The following IKZF2 variants were observed in gnomAD, a reference collection of about 807,000 sequenced individuals.
IKZF2 encodes the protein zinc finger protein Helios.
A neutral mutation model predicts 49.2 loss-of-function variants in IKZF2; 15 were observed. The observed-to-expected ratio is 0.30, with a 90% CI of 0.20 to 0.47. IKZF2 has a LOEUF of 0.47. Among genes scored for constraint, IKZF2 ranks in the 20% least tolerant of loss-of-function variants. IKZF2 has a pLI of 1.00. For missense variants in IKZF2, 567 were observed against 664.6 expected, an observed-to-expected ratio of 0.85 and a Z score of 1.61; for synonymous variants, 227 against 221.4, an observed-to-expected ratio of 1.03 and a Z score of -0.23.
intron 4 of IKZF2, among the ~76,000 whole-genome samples, chr2:213,129,137 G>A (rs1247261546): frequency 6.6e-6 from 1 of 151,856 alleles, no homozygotes; most frequent in Non-Finnish European, 1.5e-5. Flanking sequence ...GTTCATCTGT[G>A]AGTTCACATT....
intron 4 of IKZF2, among the ~76,000 whole-genome samples, chr2:213,091,229 T>C (rs1705293085): frequency 6.6e-6 from 1 of 152,196 alleles, no homozygotes; most frequent in African/African-American, 2.4e-5. Flanking sequence ...CCAATATGGG[T>C]TCACTAAAAA....
At position 213,004,161 on chromosome 2, in the gene IKZF2, T is replaced by C. The variant is rs535303809; in HGVS notation, c.*3199A>G. ...CATGAATTCTCTTTAAAAGAATGTG[T>C]GTGTAGTATACACACACATATACCC... is the stretch of plus-strand genomic sequence containing the variant. On this transcript the variant is annotated 3_prime_UTR_variant, in exon 9 of 9. Coordinates refer to ENST00000434687, the MANE Select transcript of IKZF2 (RefSeq NM_001387220.1). The C allele has an allele frequency of 3.0e-4, 46 of 152,010 alleles. No individual in the cohort carries two copies. The highest frequency in any genetic ancestry group is 1.1e-3 in the African/African-American group (44 of 41,558). 9.4% of individuals were successfully genotyped at this position (152,010 alleles called of 1,614,324 possible). A position where few individuals can be genotyped will look rare whatever the true frequency, so the allele number is the denominator to read the frequency against.
At chr2:213,076,877 G>A (rs1703332554) in intron 4 of IKZF2, among the ~76,000 whole-genome samples, 1 of 152,130 alleles carries the variant, frequency 6.6e-6, no homozygotes, top group Non-Finnish European at 1.5e-5. Context: ...ACTCCAGCCT[G>A]GGCGACAAAG....
chr2:213,093,506 G>A (rs1705593040), intron 4 of IKZF2, among the ~76,000 whole-genome samples: 1 of 152,050 alleles, frequency 6.6e-6, no homozygotes, highest in Non-Finnish European at 1.5e-5. Context: ...TATAAACTAA[G>A]GACCCGATGT....
chr2:213,022,246 C>A, intron 6 of IKZF2, 116 bp from the exon 7 acceptor site: 1 of 969,902 alleles, frequency 1.0e-6, no homozygotes, highest in Non-Finnish European at 1.4e-6. Context: ...AGACTTAAAT[C>A]TCTTCCTCCT....
At chr2:213,122,490 G>A (rs751765267) in intron 4 of IKZF2, among the ~76,000 whole-genome samples, 9 of 151,976 alleles carry the variant, frequency 5.9e-5, no homozygotes, top group South Asian at 2.1e-4. Context: ...TGATTCTTAC[G>A]ATCAAGCAAG....
chr2:213,149,780 C>CG (rs1477832140), intron 2 of IKZF2, among the ~76,000 whole-genome samples: 3 of 130,156 alleles, frequency 2.3e-5, no homozygotes, highest in Non-Finnish European at 5.4e-5. Flanking sequence ...CTCCCTTACC[C>CG]CCCCCCCAAA....
chr2:213,022,271 T>C, intron 6 of IKZF2, 141 bp from the exon 7 acceptor site: 1 of 769,388 alleles, frequency 1.3e-6, no homozygotes, highest in Non-Finnish European at 1.9e-6. Context: ...ATTCCAATTT[T>C]GGTAAGAAAA....
chr2:213,074,309 C>G (rs1703022658), intron 4 of IKZF2, among the ~76,000 whole-genome samples: 1 of 152,172 alleles, frequency 6.6e-6, no homozygotes, highest in African/African-American at 2.4e-5. Flanking sequence ...ATAGGATAGC[C>G]TACTTCATAC....
At chr2:213,008,516 G>T (rs1235322373) in intron 8 of IKZF2, among the ~76,000 whole-genome samples, 1 of 151,970 alleles carries the variant, frequency 6.6e-6, no homozygotes, top group Non-Finnish European at 1.5e-5. Context: ...ACAGGCATGA[G>T]ACACTGGGTC....
chr2:213,129,063 CTTTG>C (rs2060379770), intron 4 of IKZF2, among the ~76,000 whole-genome samples: 1 of 151,332 alleles, frequency 6.6e-6, no homozygotes, highest in Non-Finnish European at 1.5e-5. Flanking sequence ...GTGTAAAACA[CTTTG>C]TTTGCTTTAT....
At chr2:213,120,448 C>T (rs1460168507) in intron 4 of IKZF2, among the ~76,000 whole-genome samples, 3 of 152,088 alleles carry the variant, frequency 2.0e-5, no homozygotes, top group Non-Finnish European at 4.4e-5. Flanking sequence ...ATGTTATATT[C>T]AAGACATGGC....
At chr2:213,134,594 A>T (rs1257187183) in intron 4 of IKZF2, among the ~76,000 whole-genome samples, 1 of 152,204 alleles carries the variant, frequency 6.6e-6, no homozygotes, top group Non-Finnish European at 1.5e-5. Context: ...ATTGTTCTAG[A>T]ATCAATCCCT....
intron 4 of IKZF2, among the ~76,000 whole-genome samples, chr2:213,079,323 A>G (rs2125553012): frequency 6.6e-6 from 1 of 152,042 alleles, no homozygotes; most frequent in South Asian, 2.1e-4. Flanking sequence ...AGGCTGGAGT[A>G]AGCCATGATT....
At chr2:213,115,121 A>G (rs963881055) in intron 4 of IKZF2, among the ~76,000 whole-genome samples, 2 of 152,206 alleles carry the variant, frequency 1.3e-5, no homozygotes, top group Non-Finnish European at 2.9e-5. Flanking sequence ...ACAATCGCAT[A>G]CATTATAATA....
chr2:213,063,024 T>A (rs140234362), intron 4 of IKZF2, among the ~76,000 whole-genome samples: 1 of 152,104 alleles, frequency 6.6e-6, no homozygotes, highest in South Asian at 2.1e-4. Flanking sequence ...CTCAGCAAAA[T>A]TTCATGCAAT....
At chr2:213,129,205 A>C (rs981370642) in intron 4 of IKZF2, among the ~76,000 whole-genome samples, 8 of 151,752 alleles carry the variant, frequency 5.3e-5, no homozygotes, top group African/African-American at 1.7e-4. Context: ...ATGTTCCTCA[A>C]CTGTGTGTTG....
chr2:213,013,843 C>A lies in IKZF2; in HGVS notation c.804G>T (p.Lys268Asn). The A allele has an allele frequency of 6.2e-7, 1 of 1,611,992 alleles. No homozygotes were observed. The highest frequency in any genetic ancestry group is 8.5e-7 in the Non-Finnish European group (1 of 1,178,520). Residue 268 changes from lysine to asparagine, a missense_variant, in exon 8 of 9, where the codon AAG becomes AAT. Lys to Asn is a moderately conservative substitution (Grantham distance 94). Around this residue, in one of 5 missense-constraint regions of IKZF2, gnomAD observed 310 missense variants for 326.9 expected, o/e 0.95. Transcript: ENST00000434687. ...VPFERPAVIEKLTGNMGKRKS... is the reference protein window; with the variant it reads ...VPFERPAVIENLTGNMGKRKS... Reference sequence around the variant, plus strand: ...TACGTTTTCCCATATTCCCCGTGAGCTTCTCTATGACAGCAGGTCTCTCAA... The same window carrying A: ...TACGTTTTCCCATATTCCCCGTGAGATTCTCTATGACAGCAGGTCTCTCAA...
chr2:213,143,964 C>A (rs934818475), intron 4 of IKZF2, among the ~76,000 whole-genome samples: 2 of 151,784 alleles, frequency 1.3e-5, no homozygotes, highest in African/African-American at 4.8e-5. Flanking sequence ...ATTTTATGTC[C>A]CAATCCTGAT....
Sources: allele counts gnomAD v4.1 joint callset (sites outside exome capture counted in the v4.1 genomes callset), GRCh38; gene constraint gnomAD v4.1.1; regional missense constraint gnomAD v4.1.1; transcripts MANE v1.5; gene names NCBI Gene and HGNC (gene_info 2026-07-23, HGNC 2026-07-21).